The following AKAP6 variants were observed in gnomAD, a reference collection of about 807,000 sequenced individuals.
The protein encoded by AKAP6 is A-kinase anchor protein 6.
In AKAP6, 58 loss-of-function variants were observed where a neutral mutation model predicts 188.5. The observed-to-expected ratio is 0.31, with a 90% CI of 0.25 to 0.38. AKAP6 has a LOEUF of 0.38. Among genes scored for constraint, AKAP6 ranks in the 10% least tolerant of loss-of-function variants. The pLI is 1.00. For synonymous variants in AKAP6, 989 were observed against 998.6 expected (o/e 0.99, Z 0.18); for missense variants, 2,710 against 2,740.0 (o/e 0.99, Z 0.24).
Position 32,555,438 on chromosome 14 carries a change from T to C in AKAP6, c.2346+8439T>C, listed in dbSNP as rs369372094. 2.7e-4 allele frequency among the ~76,000 whole-genome samples: 41 copies of C among 152,272 alleles called. 1 individual carries two copies. The South Asian group carries it at 8.3e-3, about 31-fold the overall frequency. On this transcript the variant is annotated intron_variant, in intron 4 of 13. Coordinates refer to ENST00000280979, the MANE Select transcript of AKAP6 (RefSeq NM_004274.5). ...TTAAGAAGTATCATGTCCTTCTGAG[T>C]TTTCTTTATTGTGGTAAAAATATGA...
intron 2 of AKAP6, among the ~76,000 whole-genome samples, chr14:32,501,820 T>A (rs1307452142): frequency 6.6e-6 from 1 of 152,178 alleles, no homozygotes; most frequent in Non-Finnish European, 1.5e-5. Flanking sequence ...TCTGTGCATG[T>A]AGATGCAGCT....
At chr14:32,671,193 G>A (rs986955443) in intron 7 of AKAP6, among the ~76,000 whole-genome samples, 27 of 152,138 alleles carry the variant, frequency 1.8e-4, no homozygotes, top group Non-Finnish European at 2.9e-5. Flanking sequence ...TCTCAGCAAA[G>A]ACTTGAGAGA....
At chr14:32,755,290 CTT>C (rs1447318017) in intron 11 of AKAP6, among the ~76,000 whole-genome samples, 2 of 151,490 alleles carry the variant, frequency 1.3e-5, no homozygotes, top group Non-Finnish European at 2.9e-5. Context: ...TGTTGAAGCT[CTT>C]TATGGAATTT....
At chr14:32,503,250 C>G (rs557920262) in intron 2 of AKAP6, among the ~76,000 whole-genome samples, 5 of 152,010 alleles carry the variant, frequency 3.3e-5, no homozygotes, top group Non-Finnish European at 7.4e-5. Flanking sequence ...TGCTCATATC[C>G]TTTCCCTATT....
At chr14:32,542,617 G>A (rs946419062) in intron 3 of AKAP6, among the ~76,000 whole-genome samples, 2 of 152,190 alleles carry the variant, frequency 1.3e-5, no homozygotes, top group African/African-American at 2.4e-5. Context: ...TAGTTAAGGG[G>A]TATAGGTTGG....
chr14:32,420,552 G>A (rs1889807937), intron 1 of AKAP6, among the ~76,000 whole-genome samples: 4 of 152,172 alleles, frequency 2.6e-5, no homozygotes, highest in African/African-American at 7.2e-5. Flanking sequence ...GTTTCTCTCT[G>A]GAATTTATAA....
chr14:32,816,785 G>T (rs1050857732), intron 12 of AKAP6, among the ~76,000 whole-genome samples: 1 of 151,956 alleles, frequency 6.6e-6, no homozygotes. Context: ...TTATGTTTTT[G>T]TCACTTTTAT....
chr14:32,476,900 C>T (rs1213822123), intron 2 of AKAP6, among the ~76,000 whole-genome samples: 1 of 152,180 alleles, frequency 6.6e-6, no homozygotes. Context: ...AATCAATACA[C>T]AGAGGTTATA....
intron 12 of AKAP6, 21 bp downstream of exon 12, chr14:32,773,914 G>A: frequency 1.2e-6 from 2 of 1,605,336 alleles, no homozygotes; most frequent in Non-Finnish European, 1.7e-6. Flanking sequence ...CTTTTTTTAA[G>A]CATAATTGTC....
At chr14:32,813,474 AC>A (rs1217413493) in intron 12 of AKAP6, among the ~76,000 whole-genome samples, 3 of 127,904 alleles carry the variant, frequency 2.3e-5, no homozygotes, top group African/African-American at 5.9e-5. Context: ...TCTGGTGACC[AC>A]CCCCAACCTG....
At position 32,823,950 on chromosome 14, in the gene AKAP6, T is replaced by G. The variant is rs1367749228; in HGVS notation, c.6137T>G (p.Phe2046Cys). 2.5e-6 allele frequency: 4 copies of G among 1,613,994 alleles called. No homozygotes were observed. In the African/African-American group the frequency reaches 5.3e-5, roughly 22 times the overall value. ...ISCCNCEPDV[F>C]HQKDAEDCSV... ...TGTTGCAACTGTGAGCCAGATGTTTTCCATCAAAAAGATGCCGAAGATTGT... is the reference window on the plus strand; with the variant it reads ...TGTTGCAACTGTGAGCCAGATGTTTGCCATCAAAAAGATGCCGAAGATTGT... Residue 2046 changes from phenylalanine to cysteine, a missense_variant, in exon 13 of 14, where the codon TTC (phenylalanine) becomes TGC (cysteine). Phe to Cys is a radical substitution (Grantham distance 205). Around this residue, in one of 2 missense-constraint regions of AKAP6, gnomAD observed 2,473 missense variants for 2,426.1 expected, o/e 1.02. Transcript: ENST00000280979.
Position 32,583,808 on chromosome 14 carries a change from C to A in AKAP6, c.2469+6566C>A, listed in dbSNP as rs148163937. On this transcript the variant is annotated intron_variant, in intron 5 of 13. Coordinates refer to ENST00000280979, the MANE Select transcript of AKAP6 (RefSeq NM_004274.5). ...TGCGGGATATAATCTCCCGGTGCGCCGTTTTTTAAGCCCGTCAGAAAAAGC... is the reference window on the plus strand; with the variant it reads ...TGCGGGATATAATCTCCCGGTGCGCAGTTTTTTAAGCCCGTCAGAAAAAGC... Among the ~76,000 whole-genome samples the A allele has an allele frequency of 4.8e-3, 730 of 152,190 alleles. 2 individuals are homozygous for A. Among genetic ancestry groups the A allele is most frequent in the African/African-American group, 0.016 (649 of 41,528 alleles).
At chr14:32,384,063 T>G (rs1888452788) in intron 1 of AKAP6, among the ~76,000 whole-genome samples, 2 of 152,280 alleles carry the variant, frequency 1.3e-5, no homozygotes, top group South Asian at 4.1e-4. Flanking sequence ...TAATGTGATG[T>G]ACAGTGCTGG....
intron 3 of AKAP6, among the ~76,000 whole-genome samples, chr14:32,545,004 G>A (rs995835393): frequency 1.3e-5 from 2 of 152,058 alleles, no homozygotes; most frequent in South Asian, 2.1e-4. Context: ...TTCTGTTAAG[G>A]CTGTATACTC....
chr14:32,822,297 A>G lies in AKAP6; in HGVS notation c.4484A>G (p.Glu1495Gly). The change falls in exon 13 of 14, where the codon GAG (glutamate) becomes GGG (glycine). Residue 1495 changes from glutamate to glycine, a missense_variant. Transcript: ENST00000280979. The stretch of plus-strand genomic sequence containing the variant: ...TCACAAAGCGAAAAAGCGCATGTGG[A>G]GGATCCCCTGCTTCGTGGTTTTTAT... ...KQSQSEKAHV[E>G]DPLLRGFYFD... 1 of 1,613,938 alleles carries G rather than the reference A, an allele frequency of 6.2e-7. No homozygotes were observed. Among genetic ancestry groups the G allele is most frequent in the Non-Finnish European group, 8.5e-7 (1 of 1,179,924 alleles).
At chr14:32,732,271 G>T (rs1020914612) in intron 9 of AKAP6, among the ~76,000 whole-genome samples, 183 bp from the exon 10 acceptor site, 1 of 151,930 alleles carries the variant, frequency 6.6e-6, no homozygotes, top group Non-Finnish European at 1.5e-5. Context: ...GTGTGTGTGT[G>T]TGTGTATATA....
At chr14:32,514,539 A>G (rs1305970049) in intron 2 of AKAP6, among the ~76,000 whole-genome samples, 5 of 152,206 alleles carry the variant, frequency 3.3e-5, no homozygotes, top group African/African-American at 1.2e-4. Context: ...CTCCCAGTAG[A>G]AAAAGTACTA....
chr14:32,826,019 T>A (rs991111238), intron 13 of AKAP6, among the ~76,000 whole-genome samples: 1 of 152,216 alleles, frequency 6.6e-6, no homozygotes, highest in African/African-American at 2.4e-5. Context: ...GTTCCCATAA[T>A]GTATTATGAA....
intron 2 of AKAP6, among the ~76,000 whole-genome samples, chr14:32,454,685 TTCCCTCCCTCCCTCCC>T (rs1254335216): frequency 3.4e-5 from 1 of 29,062 alleles, no homozygotes; most frequent in Non-Finnish European, 6.3e-5. Flanking sequence ...CCTTCCCTCC[TTCCCTCCCTCCCTCCC>T]TCCCTCCTTC....
Sources: allele counts gnomAD v4.1 joint callset (sites outside exome capture counted in the v4.1 genomes callset), GRCh38; gene constraint gnomAD v4.1.1; regional missense constraint gnomAD v4.1.1; transcripts MANE v1.5; gene names NCBI Gene and HGNC (gene_info 2026-07-23, HGNC 2026-07-21).